Variants in FMC1 observed in about 807,000 individuals in gnomAD.
The protein encoded by FMC1 is protein FMC1 homolog.
Under a neutral mutation model 10.5 loss-of-function variants are expected in FMC1, and 6 were observed. The observed-to-expected ratio is 0.57, with a 90% CI of 0.31 to 1.12. The LOEUF is 1.12. Among genes scored for constraint, FMC1 ranks in the 50% most tolerant of loss-of-function variants. The pLI, the probability that FMC1 is intolerant of heterozygous loss-of-function variation, is 0.05. For missense variants in FMC1, 146 were observed against 151.7 expected (o/e 0.96, Z 0.20); for synonymous variants, 59 against 62.1 (o/e 0.95, Z 0.24).
At position 139,346,319 on chromosome 7, in the gene FMC1, C is replaced by T. The variant is rs1454654684; in HGVS notation, c.*615C>T. The T allele has an allele frequency of 1.3e-5, 2 of 152,086 alleles. No individual in the cohort carries two copies. Among genetic ancestry groups the T allele is most frequent in the Non-Finnish European group, 2.9e-5 (2 of 68,030 alleles). The allele number at this position is 152,086 out of a possible 1,614,324, so 9.4% of individuals were successfully genotyped here. ...ATAAACATAAAATAAAAGAAACCCT[C>T]TTTTCCTTTGTCCTTTTCCCTTGTC... On this transcript the variant is annotated 3_prime_UTR_variant, in exon 2 of 2. Transcript: ENST00000297534.
chr7:139,345,958 C>A lies in FMC1; in HGVS notation c.*254C>A. The A allele has an allele frequency of 1.1e-5, 3 of 271,338 alleles. No homozygotes were observed. The South Asian group carries it at 1.5e-4, about 14-fold the overall frequency. The allele number at this position is 271,338 out of a possible 1,614,324, so 16.8% of individuals were successfully genotyped here. A position where few individuals can be genotyped will look rare whatever the true frequency, so the allele number is the denominator to read the frequency against. ...ATTTTAAAAGTAGTACAAGCCTTAG[C>A]CAGGCACGGTGGCTCACGCCTGTAA... On this transcript the variant is annotated 3_prime_UTR_variant, in exon 2 of 2. Coordinates refer to ENST00000297534, the MANE Select transcript of FMC1 (RefSeq NM_197964.5).
rs754031356 is a variant in FMC1, at chr7:139,341,511, C to T, written c.127C>T (p.Arg43Cys). ...AAYRYLVKAF[R>C]AHRVTSEKLC... is the part of the protein sequence containing the mutation. ...CTATCGGTACCTTGTGAAGGCTTTC[C>T]GTGCACATCGGGTACGGGAGCCATG... The change falls in exon 1 of 2, where the codon CGT (arginine) becomes TGT (cysteine). Residue 43 changes from arginine to cysteine, a missense_variant. Physicochemically the swap from Arg to Cys is radical, Grantham distance 180. Transcript: ENST00000297534. The T allele has an allele frequency of 3.1e-6, 5 of 1,612,734 alleles. No homozygotes were observed. In the South Asian group the frequency reaches 3.3e-5, roughly 11 times the overall value.
intron 1 of FMC1, among the ~76,000 whole-genome samples, chr7:139,344,297 C>T (rs1044902189): frequency 6.6e-6 from 1 of 152,146 alleles, no homozygotes; most frequent in Non-Finnish European, 1.5e-5. Context: ...CCCCCACCCC[C>T]ACTCAGGAAT....
Position 139,345,680 on chromosome 7 carries a change from T to C in FMC1, c.318T>C (p.Pro106=), listed in dbSNP as rs1261381082. ...TGGGTCTCAAGTTGCCCCATCAGCC[T>C]GGAGGGAAGGGCTGGGAGCCATGAA... The part of the protein sequence containing the change: ...GLVGLKLPHQ[P]GGKGWEP The change falls in exon 2 of 2, where the codon CCT becomes CCC. Residue 106 remains proline (P), a synonymous_variant. Coordinates refer to ENST00000297534, the MANE Select transcript of FMC1 (RefSeq NM_197964.5). 1 of 1,614,174 alleles carries C rather than the reference T, an allele frequency of 6.2e-7. No homozygotes were observed. Among genetic ancestry groups the C allele is most frequent in the Non-Finnish European group, 8.5e-7 (1 of 1,180,026 alleles).
rs1409458754 is a variant in FMC1, at chr7:139,341,359, C to T, written c.-26C>T. On this transcript the variant is annotated 5_prime_UTR_variant, in exon 1 of 2. Transcript: ENST00000297534. ...TTCAGGGTCGTAGGACGCCGTTGGG[C>T]ACCACGCTCGGAGAAGGACAGGACA... 2 of 1,595,146 alleles carry T rather than the reference C, an allele frequency of 1.3e-6. No individual in the cohort carries two copies. Among genetic ancestry groups the T allele is most frequent in the South Asian group, 1.1e-5 (1 of 90,518 alleles).
chr7:139,343,556 G>T (rs1473485648), intron 1 of FMC1, among the ~76,000 whole-genome samples: 2 of 152,112 alleles, frequency 1.3e-5, no homozygotes, highest in Non-Finnish European at 1.5e-5. Context: ...CTCCAGCATA[G>T]GCCACGGAGC....
intron 1 of FMC1, among the ~76,000 whole-genome samples, chr7:139,342,467 T>C (rs1211190021): frequency 2.0e-5 from 3 of 151,998 alleles, no homozygotes; most frequent in Non-Finnish European, 4.4e-5. Context: ...GTGGGTGAAG[T>C]GGAGGTAGAT....
upstream of FMC1, chr7:139,341,073 G>T (rs1798926302): frequency 7.6e-6 from 2 of 264,808 alleles, no homozygotes; most frequent in East Asian, 1.5e-4. Flanking sequence ...CTGAGACTCA[G>T]CGGTTGGTCG....
Position 139,341,531 on chromosome 7 carries a change from G to A in FMC1, c.138+9G>A, listed in dbSNP as rs775020710. On this transcript the variant is annotated intron_variant, in intron 1 of 1. Coordinates refer to ENST00000297534, the MANE Select transcript of FMC1 (RefSeq NM_197964.5). ...CTTTCCGTGCACATCGGGTACGGGAGCCATGTCCCGGGTGCTCTACGTGCT... is the reference window on the plus strand; with the variant it reads ...CTTTCCGTGCACATCGGGTACGGGAACCATGTCCCGGGTGCTCTACGTGCT... The A allele has an allele frequency of 2.5e-6, 4 of 1,609,474 alleles. No homozygotes were observed. The highest frequency in any genetic ancestry group is 2.5e-6 in the Non-Finnish European group (3 of 1,176,842).
In FMC1 at chr7:139,345,376, C is replaced by T. The variant is rs1008108174; in HGVS notation, c.139-125C>T. 7.7e-6 allele frequency: 10 copies of T among 1,307,070 alleles called. No individual in the cohort carries two copies. In the East Asian group the frequency reaches 1.8e-4, roughly 23 times the overall value. 81.0% of individuals were successfully genotyped at this position (1,307,070 alleles called of 1,614,324 possible). On this transcript the variant is annotated intron_variant, in intron 1 of 1. Coordinates refer to ENST00000297534, the MANE Select transcript of FMC1 (RefSeq NM_197964.5). Reference sequence around the variant, plus strand: ...GATGTATTAAGTATACATGTATATACATACATGTCTGTATTTCCTCTGTGC... The same window carrying T: ...GATGTATTAAGTATACATGTATATATATACATGTCTGTATTTCCTCTGTGC...
chr7:139,341,204 C>T (rs1396120611), upstream of FMC1: 2 of 1,095,484 alleles, frequency 1.8e-6, no homozygotes, highest in South Asian at 2.0e-5. Flanking sequence ...TTTGTTACGG[C>T]GCCCCTGGGC....
chr7:139,341,192 A>G, upstream of FMC1: 2 of 1,015,890 alleles, frequency 2.0e-6, no homozygotes, highest in Non-Finnish European at 2.7e-6. Flanking sequence ...GTTTCGTTTG[A>G]TTTTGTTACG....
Position 139,345,767 on chromosome 7 carries a change from A to T in FMC1, c.*63A>T. 1 of 1,465,788 alleles carries T rather than the reference A, an allele frequency of 6.8e-7. No individual in the cohort carries two copies. Among genetic ancestry groups the T allele is most frequent in the Middle Eastern group, 2.4e-4 (1 of 4,232 alleles). The allele number at this position is 1,465,788 out of a possible 1,614,324, so 90.8% of individuals were successfully genotyped here. ...AATTGAATAATTTCTATCAATATGT[A>T]TTTATCATTAAATTTTTTTTAAGTT... is the stretch of plus-strand genomic sequence containing the variant. On this transcript the variant is annotated 3_prime_UTR_variant, in exon 2 of 2. Coordinates refer to ENST00000297534, the MANE Select transcript of FMC1 (RefSeq NM_197964.5).
intron 1 of FMC1, among the ~76,000 whole-genome samples, chr7:139,341,880 A>AG (rs1419107758): frequency 6.6e-6 from 1 of 152,220 alleles, no homozygotes; most frequent in African/African-American, 2.4e-5. Context: ...ATGGAGTTGA[A>AG]GGGTGTACTG....
chr7:139,340,823 C>T (rs547465452), upstream of FMC1, among the ~76,000 whole-genome samples: 4 of 149,722 alleles, frequency 2.7e-5, no homozygotes, highest in South Asian at 6.4e-4. Context: ...CGAAATATGC[C>T]AACTTTACTT....
chr7:139,344,043 C>T (rs1799137431), intron 1 of FMC1, among the ~76,000 whole-genome samples: 1 of 152,092 alleles, frequency 6.6e-6, no homozygotes, highest in African/African-American at 2.4e-5. Flanking sequence ...CACACATCCC[C>T]ATCTCACCTT....
intron 1 of FMC1, among the ~76,000 whole-genome samples, chr7:139,343,557 G>A (rs1799105404): frequency 6.6e-6 from 1 of 152,066 alleles, no homozygotes; most frequent in Non-Finnish European, 1.5e-5. Context: ...TCCAGCATAG[G>A]CCACGGAGCG....
At chr7:139,343,009 A>G (rs1261062604) in intron 1 of FMC1, among the ~76,000 whole-genome samples, 2 of 152,222 alleles carry the variant, frequency 1.3e-5, no homozygotes, top group East Asian at 1.9e-4. Context: ...GGAGAAACCT[A>G]CCCTTTCTCC....
Position 139,341,526 on chromosome 7 carries a change from C to CGGG in FMC1, c.138+5_138+7dup. Reference sequence around the variant, plus strand: ...GAAGGCTTTCCGTGCACATCGGGTACGGGAGCCATGTCCCGGGTGCTCTAC... The same window carrying CGGG: ...GAAGGCTTTCCGTGCACATCGGGTACGGGGGGAGCCATGTCCCGGGTGCTCTAC... On this transcript the variant is annotated splice_donor_region_variant and intron_variant, in intron 1 of 1. Coordinates refer to ENST00000297534, the MANE Select transcript of FMC1 (RefSeq NM_197964.5). 1 of 1,610,272 alleles carries CGGG rather than the reference C, an allele frequency of 6.2e-7. No homozygotes were observed.
Sources: gnomAD v4.1 joint callset for allele counts (sites outside exome capture counted in the v4.1 genomes callset) on GRCh38, gnomAD v4.1.1 for gene constraint, MANE v1.5 for transcripts, NCBI Gene and HGNC (gene_info 2026-07-23, HGNC 2026-07-21) for gene names.